ZNF521: variants seen among roughly 807,000 people sequenced by gnomAD.
The protein encoded by ZNF521 is LYST-interacting protein 3.
ZNF521 carries 14 observed loss-of-function variants against 105.5 expected under a neutral mutation model. The observed-to-expected ratio is 0.13, with a 90% CI of 0.09 to 0.21. The LOEUF (loss-of-function observed/expected upper bound fraction) is 0.21, where lower values mean the gene tolerates loss of function less well. ZNF521 is among the 10% of genes least tolerant of loss of function. The pLI is 1.00. For synonymous variants in ZNF521, 635 were observed against 606.0 expected (o/e 1.05, Z -0.70); for missense variants, 1,233 against 1,629.7 (o/e 0.76, Z 4.19).
chr18:25,196,678 C>G lies in ZNF521; in HGVS notation c.3574-1434G>C, dbSNP rs78579325. On this transcript the variant is annotated intron_variant, in intron 4 of 7. Transcript: ENST00000361524. ...CACGGACTTCAAACACCCTGACAAT[C>G]ACCAAGGAAGATTGACTACACCGAG... Among the ~76,000 whole-genome samples, 11 of 151,824 alleles carry G rather than the reference C, an allele frequency of 7.2e-5. No individual in the cohort carries two copies. The East Asian group carries it at 1.9e-3, about 27-fold the overall frequency.
intron 5 of ZNF521, among the ~76,000 whole-genome samples, chr18:25,190,932 A>C (rs1357622268): frequency 6.6e-6 from 1 of 152,212 alleles, no homozygotes; most frequent in Non-Finnish European, 1.5e-5. Context: ...TTTATTAGAG[A>C]TATAAATAAA....
At chr18:25,184,083 C>A (rs1479452956) in intron 5 of ZNF521, among the ~76,000 whole-genome samples, 2 of 152,014 alleles carry the variant, frequency 1.3e-5, no homozygotes, top group Admixed American at 6.6e-5. Context: ...GAAATAATAT[C>A]TCAAAAAACA....
At chr18:25,201,998 A>G (rs2036001764) in intron 4 of ZNF521, 1 of 152,146 alleles carries the variant, frequency 6.6e-6, no homozygotes, top group Non-Finnish European at 1.5e-5. Context: ...TAAAGGTACT[A>G]TTTACTGCCT....
At chr18:25,299,594 C>T (rs1211769883) in intron 3 of ZNF521, among the ~76,000 whole-genome samples, 1 of 152,054 alleles carries the variant, frequency 6.6e-6, no homozygotes, top group Non-Finnish European at 1.5e-5. Flanking sequence ...AGTGATTGCC[C>T]AATACTGGTC....
chr18:25,327,425 G>C, intron 2 of ZNF521: 1 of 1,159,634 alleles, frequency 8.6e-7, no homozygotes, highest in Non-Finnish European at 1.1e-6. Flanking sequence ...TCTAGGTTTC[G>C]TGACATATTT....
chr18:25,300,624 A>G (rs1600277261), intron 3 of ZNF521, among the ~76,000 whole-genome samples: 1 of 152,188 alleles, frequency 6.6e-6, no homozygotes, highest in Non-Finnish European at 1.5e-5. Context: ...ACGTTATAAT[A>G]TTAGGTTGGT....
At chr18:25,116,673 G>A (rs935110568) in intron 5 of ZNF521, among the ~76,000 whole-genome samples, 2 of 151,844 alleles carry the variant, frequency 1.3e-5, no homozygotes, top group Non-Finnish European at 2.9e-5. Context: ...AGTCTGGAGA[G>A]TCAACACTTG....
At chr18:25,303,299 TGTGTGTGTGTGAGAGAGA>T (rs1452414423) in intron 3 of ZNF521, among the ~76,000 whole-genome samples, 2 of 113,150 alleles carry the variant, frequency 1.8e-5, no homozygotes, top group African/African-American at 8.7e-5. Flanking sequence ...TGTGTGTGTG[TGTGTGTGTGTGAGAGAGA>T]GACGGAGTCT....
intron 3 of ZNF521, among the ~76,000 whole-genome samples, chr18:25,263,488 G>C (rs1364283483): frequency 6.6e-6 from 1 of 151,976 alleles, no homozygotes; most frequent in Non-Finnish European, 1.5e-5. Context: ...CTCCCAATTA[G>C]CTGGGATTAC....
chr18:25,214,068 G>C lies in ZNF521; in HGVS notation c.3573+10277C>G, dbSNP rs79867240. ...CACTCACCAGGATAACCAACACATA[G>C]AGAAGATATGAAACACTTCCAGCAT... On this transcript the variant is annotated intron_variant, in intron 4 of 7. Coordinates refer to ENST00000361524, the MANE Select transcript of ZNF521 (RefSeq NM_015461.3). 9.3e-4 allele frequency among the ~76,000 whole-genome samples: 142 copies of C among 152,148 alleles called. 2 individuals are homozygous for C. The East Asian group carries it at 0.025, about 26-fold the overall frequency.
At chr18:25,179,001 C>G (rs2035580330) in intron 5 of ZNF521, among the ~76,000 whole-genome samples, 1 of 151,892 alleles carries the variant, frequency 6.6e-6, no homozygotes, top group African/African-American at 2.4e-5. Flanking sequence ...TGATAACAAC[C>G]TCATATCATG....
rs560880538 is a variant in ZNF521, at chr18:25,264,462, C to G, written c.221-36765G>C. On this transcript the variant is annotated intron_variant, in intron 3 of 7. Transcript: ENST00000361524. ...TCTTGTTTCACTGAAATTATTTTCA[C>G]TGGGATCAGCTCATTTTTATTAAAA... 2.6e-3 allele frequency among the ~76,000 whole-genome samples: 392 copies of G among 152,254 alleles called. 3 individuals are homozygous for G. Among genetic ancestry groups the G allele is most frequent in the African/African-American group, 8.6e-3 (359 of 41,558 alleles).
chr18:25,261,656 T>A (rs1908917487), intron 3 of ZNF521, among the ~76,000 whole-genome samples: 1 of 152,014 alleles, frequency 6.6e-6, no homozygotes. Flanking sequence ...TCTCTGTGTA[T>A]ATGCTTTTTT....
chr18:25,250,141 G>A (rs532834318), intron 3 of ZNF521, among the ~76,000 whole-genome samples: 8 of 152,148 alleles, frequency 5.3e-5, no homozygotes, highest in South Asian at 2.1e-4. Context: ...GGGTTTCATC[G>A]TATTAGCCAG....
intron 7 of ZNF521, among the ~76,000 whole-genome samples, chr18:25,076,121 T>A (rs1376910440): frequency 6.6e-6 from 1 of 152,254 alleles, no homozygotes; most frequent in Non-Finnish European, 1.5e-5. Context: ...GTGTTTCTCA[T>A]CACCTTAGTG....
At chr18:25,074,159 A>G (rs1036609346) in intron 7 of ZNF521, among the ~76,000 whole-genome samples, 1 of 152,218 alleles carries the variant, frequency 6.6e-6, no homozygotes, top group Non-Finnish European at 1.5e-5. Flanking sequence ...GGCAAAAAAA[A>G]AGAGTTACAT....
chr18:25,345,463 AT>A (rs1162106813), intron 2 of ZNF521: 1 of 152,156 alleles, frequency 6.6e-6, no homozygotes, highest in Admixed American at 6.5e-5. Context: ...TCAGTATCCT[AT>A]TTTTTGTCCT....
At chr18:25,294,885 G>A (rs924428046) in intron 3 of ZNF521, among the ~76,000 whole-genome samples, 5 of 133,724 alleles carry the variant, frequency 3.7e-5, no homozygotes, top group East Asian at 2.2e-4. Context: ...AAAAAAAGGA[G>A]CAGGTTTGGG....
chr18:25,229,584 G>A (rs113798626), intron 3 of ZNF521, among the ~76,000 whole-genome samples: 1 of 151,648 alleles, frequency 6.6e-6, no homozygotes, highest in African/African-American at 2.4e-5. Context: ...TAATGATCTA[G>A]TTTTCCCCTT....
Sources: gnomAD v4.1 joint callset for allele counts (sites outside exome capture counted in the v4.1 genomes callset) on GRCh38, gnomAD v4.1.1 for gene constraint, MANE v1.5 for transcripts, NCBI Gene and HGNC (gene_info 2026-07-23, HGNC 2026-07-21) for gene names.